Variants in SOX6 observed in about 807,000 individuals in gnomAD.
SOX6 encodes the protein SRY-box transcription factor 6.
SOX6 carries 11 observed loss-of-function variants against 97.8 expected under a neutral mutation model. The ratio of observed to expected loss-of-function variants is 0.11; its 90% confidence interval spans 0.07 to 0.19. The LOEUF is 0.19. Ranked by LOEUF, SOX6 falls within the 10% of genes least tolerant of loss-of-function variation. The pLI, the probability that SOX6 is intolerant of heterozygous loss-of-function variation, is 1.00. For synonymous variants in SOX6, 360 were observed against 371.4 expected (o/e 0.97, Z 0.35); for missense variants, 810 against 1,039.5 (o/e 0.78, Z 3.04).
At position 16,049,830 on chromosome 11, in the gene SOX6, T is replaced by G; in HGVS notation, c.1360A>C (p.Ser454Arg). The change falls in exon 11 of 16, where the codon AGC becomes CGC. Residue 454 changes from serine to arginine, a missense_variant. Ser to Arg is a moderately radical substitution (Grantham distance 110). This residue lies in a region of SOX6 where 244 missense variants were observed against 261.0 expected (regional missense o/e 0.93). Transcript: ENST00000683767. ...CTTTTGTTTGGCAGATTGACAGGGC[T>G]GGTTTTGCTGGCTGGGAAGAGGTTC... ...TQNLFPASKT[S>R]PVNLPNKSSI... 1 of 1,613,682 alleles carries G rather than the reference T, an allele frequency of 6.2e-7. No homozygotes were observed. The highest frequency in any genetic ancestry group is 8.5e-7 in the Non-Finnish European group (1 of 1,179,780).
intron 1 of SOX6, among the ~76,000 whole-genome samples, chr11:16,445,527 T>G (rs969212489): frequency 1.3e-5 from 2 of 152,182 alleles, no homozygotes; most frequent in Admixed American, 1.3e-4. Context: ...TCTCAATATA[T>G]CTCATTTACC....
At position 16,181,695 on chromosome 11, in the gene SOX6, GA is replaced by G. The variant is rs1443477494; in HGVS notation, c.777+2190del. 2.0e-5 allele frequency among the ~76,000 whole-genome samples: 3 copies of G among 151,806 alleles called. No individual in the cohort carries two copies. In the East Asian group the frequency reaches 5.8e-4, roughly 29 times the overall value. ...AATTTTTTGAATGGTCTCACATGTA[GA>G]AGGTAAATACTGACAAGATATGCCA... On this transcript the variant is annotated intron_variant, in intron 6 of 15. Transcript: ENST00000683767.
intron 2 of SOX6, among the ~76,000 whole-genome samples, chr11:16,322,198 A>C (rs911746764): frequency 6.6e-6 from 1 of 152,192 alleles, no homozygotes; most frequent in Non-Finnish European, 1.5e-5. Context: ...CCCAAATCTC[A>C]AGTTGAATTG....
At chr11:16,376,751 T>A (rs887396160) in intron 1 of SOX6, among the ~76,000 whole-genome samples, 4 of 152,038 alleles carry the variant, frequency 2.6e-5, no homozygotes, top group Non-Finnish European at 5.9e-5. Flanking sequence ...CAACTTAAAT[T>A]TCCCCCAGGC....
chr11:16,216,541 T>G (rs10832558), intron 4 of SOX6, among the ~76,000 whole-genome samples: 30,988 of 151,880 alleles, frequency 0.2, 3,817 homozygotes, highest in Admixed American at 0.31. Context: ...CCAGTTTTCT[T>G]TATGAAATAT....
chr11:16,323,576 A>G (rs1430535036), intron 2 of SOX6, among the ~76,000 whole-genome samples: 1 of 152,034 alleles, frequency 6.6e-6, no homozygotes, highest in Non-Finnish European at 1.5e-5. Flanking sequence ...TTTGAACCCA[A>G]CCCGCTCTTC....
In SOX6 at chr11:16,545,347, A is replaced by ACC. The variant is rs1565176966; in HGVS notation, n.609+66733_609+66734insGG. Among the ~76,000 whole-genome samples the ACC allele has an allele frequency of 4.8e-4, 72 of 149,800 alleles. 1 individual carries two copies. The highest frequency in any genetic ancestry group is 7.3e-4 in the Admixed American group (11 of 15,026). On this transcript the variant is annotated intron_variant and non_coding_transcript_variant, in intron 4 of 5. Transcript: ENST00000524520. ...TTAACAAAGTAAAGTCCAAGCCCAA[A>ACC]AAAAAAAAAAAAGAACCCACATCTC...
intron 4 of SOX6, among the ~76,000 whole-genome samples, chr11:16,602,974 T>C (rs949219885): frequency 6.6e-6 from 1 of 151,368 alleles, no homozygotes; most frequent in East Asian, 2.0e-4. Context: ...TGAGCCGAGA[T>C]CACGCCATTG....
intron 4 of SOX6, among the ~76,000 whole-genome samples, chr11:16,542,860 A>G (rs1313411266): frequency 6.6e-6 from 1 of 152,180 alleles, no homozygotes; most frequent in Non-Finnish European, 1.5e-5. Flanking sequence ...ACTGTGATCA[A>G]TGCAGTGGGT....
chr11:16,182,898 C>T (rs1851380290), intron 6 of SOX6, among the ~76,000 whole-genome samples: 1 of 151,672 alleles, frequency 6.6e-6, no homozygotes, highest in Non-Finnish European at 1.5e-5. Context: ...TGACCTCATG[C>T]TACTGATTTT....
chr11:16,458,588 G>A (rs1458791307), intron 1 of SOX6, among the ~76,000 whole-genome samples: 1 of 151,868 alleles, frequency 6.6e-6, no homozygotes, highest in Admixed American at 6.6e-5. Flanking sequence ...ATCTTTTATC[G>A]AATACTTTCT....
In SOX6 at chr11:15,972,852, T is replaced by A; in HGVS notation, c.2444A>T (p.Tyr815Phe). Residue 815 changes from tyrosine (Y) to phenylalanine (F), a missense_variant, in exon 16 of 16, where the codon TAT becomes TTT. This residue lies in a region of SOX6 where 122 missense variants were observed against 153.4 expected (regional missense o/e 0.80). Coordinates refer to ENST00000683767, the MANE Select transcript of SOX6 (RefSeq NM_001367873.1). ...CTCCGGGGCTTCATTTTCACTGCTA[T>A]AGTCTGATTTGGGGTCATCTTCATA... is the stretch of plus-strand genomic sequence containing the variant. ...DDYEDDPKSD[Y>F]SSENEAPEAV... 1 of 1,614,258 alleles carries A rather than the reference T, an allele frequency of 6.2e-7. No homozygotes were observed. The highest frequency in any genetic ancestry group is 1.3e-5 in the African/African-American group (1 of 75,074).
chr11:16,527,739 C>T (rs969553047), intron 4 of SOX6, among the ~76,000 whole-genome samples: 4 of 152,096 alleles, frequency 2.6e-5, no homozygotes, highest in Non-Finnish European at 5.9e-5. Flanking sequence ...ATAGGAGCTG[C>T]TCCTTCAATT....
rs11023865 is a variant in SOX6, at chr11:16,188,917, G to A, written c.536-1962C>T. Reference sequence around the variant, plus strand: ...TTCTCTACTAAAAATACAAAAATTAGCTGGGCATAGGGGTGGGTACCTGTA... The same window carrying A: ...TTCTCTACTAAAAATACAAAAATTAACTGGGCATAGGGGTGGGTACCTGTA... On this transcript the variant is annotated intron_variant, in intron 4 of 15. Coordinates refer to ENST00000683767, the MANE Select transcript of SOX6 (RefSeq NM_001367873.1). Among the ~76,000 whole-genome samples the A allele has an allele frequency of 1.7e-3, 253 of 152,110 alleles. 3 individuals are homozygous for A. The East Asian group carries it at 0.045, about 27-fold the overall frequency.
At chr11:16,562,904 CTAGCAGTAACAAGG>C (rs1356447657) in intron 4 of SOX6, among the ~76,000 whole-genome samples, 1 of 152,170 alleles carries the variant, frequency 6.6e-6, no homozygotes, top group East Asian at 1.9e-4. Flanking sequence ...CCATATCCAT[CTAGCAGTAACAAGG>C]TAGCAGCCTC....
chr11:16,694,797 G>A (rs1484038919), intron 3 of SOX6, among the ~76,000 whole-genome samples: 1 of 151,944 alleles, frequency 6.6e-6, no homozygotes, highest in Non-Finnish European at 1.5e-5. Context: ...TTCTGCATCC[G>A]TGCACTCAAC....
chr11:16,068,796 C>T (rs1174971849), intron 9 of SOX6, among the ~76,000 whole-genome samples: 1 of 152,204 alleles, frequency 6.6e-6, no homozygotes, highest in Admixed American at 6.5e-5. Flanking sequence ...TGACTACTGC[C>T]TCCTTTGTGC....
chr11:16,453,491 T>C (rs1261659516), intron 1 of SOX6, among the ~76,000 whole-genome samples: 3 of 152,120 alleles, frequency 2.0e-5, no homozygotes, highest in Non-Finnish European at 2.9e-5. Flanking sequence ...AAATAATTTT[T>C]CCTACTATAA....
At chr11:16,031,591 G>A (rs1165374139) in intron 12 of SOX6, 1 of 152,280 alleles carries the variant, frequency 6.6e-6, no homozygotes, top group East Asian at 1.9e-4. Context: ...CCCTGCCATA[G>A]AAGAATGCAG....
Sources: allele counts gnomAD v4.1 joint callset (sites outside exome capture counted in the v4.1 genomes callset), GRCh38; gene constraint gnomAD v4.1.1; regional missense constraint gnomAD v4.1.1; transcripts MANE v1.5; gene names NCBI Gene and HGNC (gene_info 2026-07-23, HGNC 2026-07-21).